PKM: variants seen among roughly 807,000 people sequenced by gnomAD.
The protein encoded by PKM is pyruvate kinase PKM.
In PKM, 18 loss-of-function variants were observed where a neutral mutation model predicts 49.8. The ratio of observed to expected loss-of-function variants is 0.36; its 90% CI spans 0.25 to 0.54. The LOEUF is 0.54. Among genes scored for constraint, PKM ranks in the 20% least tolerant of loss-of-function variants. The pLI is 0.89. For synonymous variants in PKM, 239 were observed against 261.8 expected (o/e 0.91, Z 0.84); for missense variants, 508 against 713.8 (o/e 0.71, Z 3.28).
chr15:72,226,616 C>G (rs2082677923), intron 1 of PKM, among the ~76,000 whole-genome samples: 1 of 152,220 alleles, frequency 6.6e-6, no homozygotes, highest in African/African-American at 2.4e-5. Context: ...GGATAGGACT[C>G]CCTTCAGAGA....
intron 3 of PKM, among the ~76,000 whole-genome samples, chr15:72,213,915 C>T (rs192735703): frequency 3.3e-4 from 51 of 152,310 alleles, no homozygotes; most frequent in African/African-American, 1.1e-3. Context: ...CTCTTATTTG[C>T]ACATCCTCGC....
intron 1 of PKM, chr15:72,221,300 G>C: frequency 6.8e-7 from 1 of 1,467,092 alleles, no homozygotes; most frequent in South Asian, 1.2e-5. Flanking sequence ...CAAGGATTAA[G>C]GAAAAAGCTG....
At chr15:72,217,867 T>TA (rs1227504148) in intron 2 of PKM, among the ~76,000 whole-genome samples, 1 of 152,224 alleles carries the variant, frequency 6.6e-6, no homozygotes, top group African/African-American at 2.4e-5. Context: ...TACAAAGACC[T>TA]GCTAAGGAAA....
chr15:72,199,823 C>G, intron 10 of PKM, 67 bp from the exon 11 acceptor site: 1 of 1,009,216 alleles, frequency 9.9e-7, no homozygotes, highest in Non-Finnish European at 1.5e-6. Flanking sequence ...TGGGCAGCTG[C>G]CCCATAGCCT....
At chr15:72,215,202 A>C (rs77407588) in intron 3 of PKM, among the ~76,000 whole-genome samples, 111 of 96,846 alleles carry the variant, frequency 1.1e-3, no homozygotes, top group African/African-American at 3.6e-3. Flanking sequence ...TTCTGTCTCA[A>C]AAAAAAAAAG....
At chr15:72,228,472 G>C in intron 1 of PKM, 1 of 390,608 alleles carries the variant, frequency 2.6e-6, no homozygotes, top group South Asian at 1.9e-5. Flanking sequence ...CCGTAGTTGA[G>C]GCATTTTTAA....
chr15:72,214,055 C>A (rs8192402), intron 3 of PKM, among the ~76,000 whole-genome samples: 1 of 152,084 alleles, frequency 6.6e-6, no homozygotes, highest in Non-Finnish European at 1.5e-5. Flanking sequence ...ATTTTCTTCA[C>A]CCTTTTTAGG....
In PKM at chr15:72,212,266, A is replaced by G. The variant is rs145371385; in HGVS notation, c.247-1788T>C. On this transcript the variant is annotated intron_variant, in intron 3 of 10. Transcript: ENST00000335181. ...CCAAGGCGGGTGGATCATGAGATCAAGAGATTGACAACAACCAGGCCAACA... is the reference window on the plus strand; with the variant it reads ...CCAAGGCGGGTGGATCATGAGATCAGGAGATTGACAACAACCAGGCCAACA... Among the ~76,000 whole-genome samples the G allele has an allele frequency of 7.8e-4, 118 of 152,234 alleles. 1 individual carries two copies. In the East Asian group the frequency reaches 0.022, roughly 28 times the overall value.
rs774837890 is a variant in PKM, at chr15:72,199,515, G to C, written c.*135C>G. 5 of 726,240 alleles carry C rather than the reference G, an allele frequency of 6.9e-6. No homozygotes were observed. Among genetic ancestry groups the C allele is most frequent in the Non-Finnish European group, 1.3e-5 (5 of 395,420 alleles). The allele number at this position is 726,240 out of a possible 1,614,324, so 45.0% of individuals were successfully genotyped here. Reference sequence around the variant, plus strand: ...CACAGCCATGTTTCAGTGAGGCGTTGATCTTCTTCCCTGGTGTCCCAACCT... The same window carrying C: ...CACAGCCATGTTTCAGTGAGGCGTTCATCTTCTTCCCTGGTGTCCCAACCT... On this transcript the variant is annotated 3_prime_UTR_variant, in exon 11 of 11. Transcript: ENST00000335181.
chr15:72,217,335 C>G, intron 3 of PKM, 74 bp downstream of exon 3: 1 of 910,854 alleles, frequency 1.1e-6, no homozygotes, highest in Non-Finnish European at 1.8e-6. Context: ...TCCACTGTGG[C>G]TAAACGAACA....
At chr15:72,222,155 T>C (rs191748271) in intron 1 of PKM, among the ~76,000 whole-genome samples, 6 of 152,348 alleles carry the variant, frequency 3.9e-5, no homozygotes, top group Admixed American at 3.9e-4. Context: ...CTGATGCCTA[T>C]AAGCTCTAAT....
rs8192350 is a variant in PKM, at chr15:72,231,018, C to T, written c.-14+98G>A. The T allele has an allele frequency of 2.6e-4, 318 of 1,219,536 alleles. 1 individual carries two copies. In the African/African-American group the frequency reaches 4.4e-3, roughly 17 times the overall value. The allele number at this position is 1,219,536 out of a possible 1,614,324, so 75.5% of individuals were successfully genotyped here. A position where few individuals can be genotyped will look rare whatever the true frequency, so the allele number is the denominator to read the frequency against. On this transcript the variant is annotated intron_variant, in intron 1 of 10. Coordinates refer to ENST00000335181, the MANE Select transcript of PKM (RefSeq NM_002654.6). ...ACGCCCTGGATCCTGCGCCGCCCTG[C>T]CTGCGTGCCCGGGGCCGGCCGGCGC...
chr15:72,221,615 A>C (rs146893841), intron 1 of PKM, among the ~76,000 whole-genome samples: 22 of 152,296 alleles, frequency 1.4e-4, no homozygotes, highest in Admixed American at 1.4e-3. Flanking sequence ...AAATATAAAA[A>C]TACTTTTATA....
intron 1 of PKM, chr15:72,229,647 C>T (rs1355172366): frequency 3.3e-5 from 41 of 1,253,106 alleles, no homozygotes; most frequent in South Asian, 1.3e-5. Flanking sequence ...GGCTTCCTGT[C>T]CCCCTCCCTC....
At chr15:72,220,503 A>T (rs1435578483) in intron 1 of PKM, among the ~76,000 whole-genome samples, 1 of 152,168 alleles carries the variant, frequency 6.6e-6, no homozygotes, top group East Asian at 1.9e-4. Flanking sequence ...GCTATGGAAA[A>T]CTGATGGCCA....
chr15:72,211,620 G>A (rs1012502833), intron 3 of PKM, among the ~76,000 whole-genome samples: 5 of 151,956 alleles, frequency 3.3e-5, no homozygotes, highest in South Asian at 2.1e-4. Flanking sequence ...AGTTTGAGAT[G>A]AGCCTGGGCA....
chr15:72,217,538 T>C, intron 2 of PKM, 38 bp from the exon 3 acceptor site: 2 of 1,282,244 alleles, frequency 1.6e-6, no homozygotes, highest in African/African-American at 2.9e-5. Context: ...GTATTAATTA[T>C]TCAAAGAAGG....
chr15:72,228,477 T>G (rs1838308905), intron 1 of PKM: 1 of 411,748 alleles, frequency 2.4e-6, no homozygotes, highest in Non-Finnish European at 4.7e-6. Flanking sequence ...GTTGAGGCAT[T>G]TTTAATTAGG....
chr15:72,221,769 G>A (rs2082530579), intron 1 of PKM, among the ~76,000 whole-genome samples: 1 of 151,762 alleles, frequency 6.6e-6, no homozygotes, highest in Admixed American at 6.6e-5. Flanking sequence ...CTTTTAAAAG[G>A]TGGCAGAGAA....
Sources: gnomAD v4.1 joint callset for allele counts (sites outside exome capture counted in the v4.1 genomes callset) on GRCh38, gnomAD v4.1.1 for gene constraint, MANE v1.5 for transcripts, NCBI Gene and HGNC (gene_info 2026-07-23, HGNC 2026-07-21) for gene names.